Variants in PALM2AKAP2 observed in about 807,000 individuals in gnomAD.
PALM2AKAP2 encodes PALM2-AKAP2 fusion protein.
Under a neutral mutation model 71.5 loss-of-function variants are expected in PALM2AKAP2, and 37 were observed. That is an observed-to-expected ratio of 0.52 (90% CI 0.40 to 0.68). The LOEUF is 0.68. Among genes scored for constraint, PALM2AKAP2 ranks in the 30% least tolerant of loss-of-function variants. PALM2AKAP2 has a pLI of 0.00. For synonymous variants in PALM2AKAP2, 468 were observed against 478.8 expected, an observed-to-expected ratio of 0.98 and a Z score of 0.29; for missense variants, 1,224 against 1,191.8, an observed-to-expected ratio of 1.03 and a Z score of -0.40.
Position 110,156,949 on chromosome 9 carries a change from C to G in PALM2AKAP2, c.2748+452C>G, listed in dbSNP as rs1021451018. Among the ~76,000 whole-genome samples the G allele has an allele frequency of 2.6e-5, 4 of 152,190 alleles. No homozygotes were observed. In the East Asian group the frequency reaches 7.7e-4, roughly 29 times the overall value. On this transcript the variant is annotated intron_variant, in intron 3 of 3. Coordinates refer to ENST00000374525, the Ensembl canonical transcript of PALM2AKAP2. ...CTCTAGGCAATCCCTAACAATGTTA[C>G]AGTGCTTAAAAGACTGAGTGTGTTT... is the stretch of plus-strand genomic sequence containing the variant.
chr9:109,928,372 A>C (rs7029855), intron 5 of PALM2AKAP2, among the ~76,000 whole-genome samples: 1 of 152,242 alleles, frequency 6.6e-6, no homozygotes, highest in East Asian at 1.9e-4. Context: ...AGAACTAAGA[A>C]GCAGCACTCA....
At chr9:109,715,016 T>C (rs1444414048) in intron 1 of PALM2AKAP2, among the ~76,000 whole-genome samples, 2 of 152,110 alleles carry the variant, frequency 1.3e-5, no homozygotes, top group Non-Finnish European at 2.9e-5. Context: ...ACAAATCCCA[T>C]CTGGGCATCT....
At chr9:109,786,538 G>A (rs774099133) in intron 1 of PALM2AKAP2, among the ~76,000 whole-genome samples, 5 of 152,180 alleles carry the variant, frequency 3.3e-5, no homozygotes, top group Admixed American at 6.5e-5. Flanking sequence ...AATCATTTGC[G>A]TGGTATATTG....
chr9:110,140,905 A>C (rs1273025233), intron 2 of PALM2AKAP2, among the ~76,000 whole-genome samples: 5 of 152,228 alleles, frequency 3.3e-5, no homozygotes, highest in Non-Finnish European at 7.3e-5. Flanking sequence ...GAAGAGGAAG[A>C]GTGCAGTGAC....
At chr9:109,912,922 A>G (rs761771569) in intron 3 of PALM2AKAP2, among the ~76,000 whole-genome samples, 1 of 152,226 alleles carries the variant, frequency 6.6e-6, no homozygotes, top group Non-Finnish European at 1.5e-5. Context: ...TTCTCTCAAG[A>G]CAAAGATCTT....
intron 1 of PALM2AKAP2, among the ~76,000 whole-genome samples, chr9:109,709,953 A>G (rs1434778513): frequency 6.6e-6 from 1 of 152,174 alleles, no homozygotes; most frequent in Non-Finnish European, 1.5e-5. Context: ...TGAGATTGAG[A>G]TCATCGTGGA....
At chr9:110,072,192 G>T (rs903859115) in intron 1 of PALM2AKAP2, among the ~76,000 whole-genome samples, 4 of 152,198 alleles carry the variant, frequency 2.6e-5, no homozygotes, top group Admixed American at 6.5e-5. Flanking sequence ...AAATGAGGGG[G>T]AGGAGAGGGA....
intron 1 of PALM2AKAP2, among the ~76,000 whole-genome samples, chr9:109,655,914 T>C (rs1827298736): frequency 6.6e-6 from 1 of 152,164 alleles, no homozygotes; most frequent in African/African-American, 2.4e-5. Context: ...CAAGTATGTG[T>C]TTGAGCTTTA....
At chr9:110,168,949 A>G (rs977679504) in exon 4 of PALM2AKAP2, 2 of 153,764 alleles carry the variant, frequency 1.3e-5, no homozygotes, top group African/African-American at 2.4e-5. Flanking sequence ...TGTCACTTGC[A>G]GCATCAGAGG....
At chr9:110,102,330 T>C (rs1835017970) in intron 1 of PALM2AKAP2, among the ~76,000 whole-genome samples, 2 of 152,234 alleles carry the variant, frequency 1.3e-5, no homozygotes, top group African/African-American at 4.8e-5. Context: ...CTGTTAGATG[T>C]AATGTGTTCA....
intron 1 of PALM2AKAP2, among the ~76,000 whole-genome samples, chr9:109,802,909 T>G (rs1827472154): frequency 6.6e-6 from 1 of 152,192 alleles, no homozygotes. Context: ...GGTATCTCAG[T>G]GCAGACTACT....
chr9:110,083,701 C>G (rs538999294), intron 1 of PALM2AKAP2, among the ~76,000 whole-genome samples: 1 of 152,070 alleles, frequency 6.6e-6, no homozygotes, highest in Non-Finnish European at 1.5e-5. Flanking sequence ...AGATCACATA[C>G]AAAGAGTCAA....
At chr9:110,000,640 G>C (rs972004094) in intron 6 of PALM2AKAP2, among the ~76,000 whole-genome samples, 1 of 152,186 alleles carries the variant, frequency 6.6e-6, no homozygotes. Context: ...CAGTGTAAAA[G>C]TATTCCTATT....
upstream of PALM2AKAP2, among the ~76,000 whole-genome samples, chr9:110,047,929 T>G (rs1200067900): frequency 6.6e-6 from 1 of 152,208 alleles, no homozygotes; most frequent in Non-Finnish European, 1.5e-5. Flanking sequence ...GCCACCCGCC[T>G]AATACAGCCC....
intron 1 of PALM2AKAP2, among the ~76,000 whole-genome samples, chr9:110,111,530 C>T (rs568582238): frequency 5.3e-4 from 81 of 152,294 alleles, no homozygotes; most frequent in Admixed American, 4.4e-3. Context: ...TGGCAAACCC[C>T]TTGCCACCAC....
intron 1 of PALM2AKAP2, among the ~76,000 whole-genome samples, chr9:109,661,482 G>A (rs1047044705): frequency 1.3e-5 from 2 of 152,088 alleles, no homozygotes; most frequent in Admixed American, 6.5e-5. Flanking sequence ...GTAGATGTGT[G>A]GTGTTATTTC....
At chr9:110,171,648 C>G (rs1836859834) in exon 4 of PALM2AKAP2, 1 of 152,162 alleles carries the variant, frequency 6.6e-6, no homozygotes, top group Non-Finnish European at 1.5e-5. Context: ...GGGACCGTCC[C>G]CTGGAGGAAA....
chr9:110,083,221 A>G (rs1206606433), intron 1 of PALM2AKAP2, among the ~76,000 whole-genome samples: 2 of 152,116 alleles, frequency 1.3e-5, no homozygotes, highest in African/African-American at 4.8e-5. Context: ...CCACCCTTCT[A>G]CTTTCTGTCT....
rs576428177 is a variant in PALM2AKAP2 at position 109,768,548 on chromosome 9, T to C, written c.6-11940T>C. On this transcript the variant is annotated intron_variant, in intron 1 of 6. Transcript: ENST00000374531. ...TCTCTCTTTTAGCTATTTTGAAATA[T>C]GCAATTTTTTAAATAATACTGCTAA... Among the ~76,000 whole-genome samples the C allele has an allele frequency of 2.4e-4, 37 of 152,332 alleles. 1 individual carries two copies. In the South Asian group the frequency reaches 6.8e-3, roughly 28 times the overall value.
Sources: gnomAD v4.1 joint callset for allele counts (sites outside exome capture counted in the v4.1 genomes callset) on GRCh38, gnomAD v4.1.1 for gene constraint, MANE v1.5 for transcripts, NCBI Gene and HGNC (gene_info 2026-07-23, HGNC 2026-07-21) for gene names.